SEMA3D: variants seen among roughly 807,000 people sequenced by gnomAD.
SEMA3D encodes semaphorin 3D.
In SEMA3D, 84 loss-of-function variants were observed where a neutral mutation model predicts 100.1. That is an observed-to-expected ratio of 0.84 (90% CI 0.70 to 1.01). The LOEUF is 1.01. Ranked by LOEUF, SEMA3D falls within the 50% of genes least tolerant of loss-of-function variation. The pLI is 0.00. For missense variants in SEMA3D, 875 were observed against 934.1 expected, an observed-to-expected ratio of 0.94 and a Z score of 0.82; for synonymous variants, 312 against 320.7, an observed-to-expected ratio of 0.97 and a Z score of 0.29.
At chr7:85,082,866 C>T (rs1788105039) in intron 4 of SEMA3D, among the ~76,000 whole-genome samples, 1 of 152,098 alleles carries the variant, frequency 6.6e-6, no homozygotes, top group Non-Finnish European at 1.5e-5. Context: ...TGTATATAGG[C>T]AGGTGGTGGA....
intron 12 of SEMA3D, among the ~76,000 whole-genome samples, chr7:85,033,483 C>T (rs1184328778): frequency 6.6e-6 from 1 of 152,072 alleles, no homozygotes; most frequent in East Asian, 1.9e-4. Context: ...TTAACTTACA[C>T]TCGAGTTGGA....
At chr7:85,026,891 C>A (rs896748552) in intron 12 of SEMA3D, among the ~76,000 whole-genome samples, 1 of 151,992 alleles carries the variant, frequency 6.6e-6, no homozygotes, top group African/African-American at 2.4e-5. Context: ...CTTGTGGAAT[C>A]CATGGTTACC....
chr7:85,085,500 A>C (rs1478873173), intron 4 of SEMA3D, among the ~76,000 whole-genome samples: 1 of 152,186 alleles, frequency 6.6e-6, no homozygotes, highest in Non-Finnish European at 1.5e-5. Context: ...AAAAGTTTCA[A>C]AGTTAGCACC....
At chr7:85,223,695 A>C in the SEMA3D span, among the ~76,000 whole-genome samples, 5 of 152,208 alleles carry the variant, frequency 3.3e-5, no homozygotes, top group Admixed American at 2.6e-4. Context: ...GTCCTCACTT[A>C]TCAGTGGGAA....
intron 9 of SEMA3D, among the ~76,000 whole-genome samples, chr7:85,049,135 T>C (rs1301788029): frequency 6.6e-6 from 1 of 151,168 alleles, no homozygotes; most frequent in South Asian, 2.1e-4. Context: ...AATAAAAATA[T>C]ACAAACTCAA....
intron 15 of SEMA3D, among the ~76,000 whole-genome samples, chr7:85,015,797 T>A (rs762687891): frequency 1.3e-5 from 2 of 151,842 alleles, no homozygotes; most frequent in Non-Finnish European, 2.9e-5. Context: ...TGCATGATAC[T>A]GAAAAACCCA....
the SEMA3D span, among the ~76,000 whole-genome samples, chr7:85,236,344 G>A: frequency 4.6e-5 from 7 of 150,582 alleles, no homozygotes; most frequent in African/African-American, 1.7e-4. Flanking sequence ...GTCTTGCTCT[G>A]TTGCCCAGGC....
At chr7:85,143,362 A>C (rs554326853) in intron 2 of SEMA3D, 3 of 258,428 alleles carry the variant, frequency 1.2e-5, no homozygotes, top group African/African-American at 6.9e-5. Context: ...AGGTGATTTC[A>C]TCATTGTTCG....
At chr7:85,008,523 A>C (rs1017045558) in intron 17 of SEMA3D, among the ~76,000 whole-genome samples, 2 of 151,834 alleles carry the variant, frequency 1.3e-5, no homozygotes, top group African/African-American at 4.8e-5. Context: ...TATTATATAC[A>C]CATACACACA....
chr7:85,095,394 AT>A (rs3214235), intron 4 of SEMA3D, among the ~76,000 whole-genome samples: 25 of 150,292 alleles, frequency 1.7e-4, no homozygotes, highest in African/African-American at 3.4e-4. Context: ...TTTTCTACAG[AT>A]TTTTTTTTTA....
At chr7:85,057,422 T>G (rs1791352623) in intron 8 of SEMA3D, among the ~76,000 whole-genome samples, 1 of 152,114 alleles carries the variant, frequency 6.6e-6, no homozygotes. Flanking sequence ...GCACTGACTT[T>G]TTAAGAAGCA....
chr7:85,030,087 C>G (rs1021505305), intron 12 of SEMA3D, among the ~76,000 whole-genome samples: 7 of 152,050 alleles, frequency 4.6e-5, no homozygotes, highest in African/African-American at 1.4e-4. Flanking sequence ...TCTAGGTACT[C>G]TACCCAGGAT....
At chr7:85,231,499 G>A in the SEMA3D span, among the ~76,000 whole-genome samples, 1 of 96,276 alleles carries the variant, frequency 1.0e-5, no homozygotes, top group East Asian at 1.6e-3. Context: ...CCAGGCTGGA[G>A]TGCAGTAGTG....
intron 5 of SEMA3D, 66 bp downstream of exon 5, chr7:85,081,451 A>G (rs1228724173): frequency 5.9e-6 from 6 of 1,015,732 alleles, no homozygotes; most frequent in Non-Finnish European, 1.6e-6. Context: ...GTAAAGCCCA[A>G]TATAAATATT....
chr7:85,214,975 T>G, the SEMA3D span, among the ~76,000 whole-genome samples: 5 of 152,280 alleles, frequency 3.3e-5, 1 homozygote, highest in African/African-American at 1.2e-4. Context: ...GGAAAAATAT[T>G]GTTTCCCTAT....
At chr7:85,191,435 T>C (rs1791692746), upstream of SEMA3D, among the ~76,000 whole-genome samples, 1 of 152,200 alleles carries the variant, frequency 6.6e-6, no homozygotes, top group Non-Finnish European at 1.5e-5. Context: ...ACTTTCATAC[T>C]ACCACCATTC....
At chr7:85,129,978 A>AT (rs1249724395) in intron 2 of SEMA3D, among the ~76,000 whole-genome samples, 3 of 152,054 alleles carry the variant, frequency 2.0e-5, no homozygotes, top group African/African-American at 4.8e-5. Context: ...GCCTAATTTT[A>AT]TTTTTTTAAA....
chr7:85,227,100 T>A, the SEMA3D span, among the ~76,000 whole-genome samples: 299 of 152,340 alleles, frequency 2.0e-3, 1 homozygote, highest in Admixed American at 4.1e-3. Flanking sequence ...GTCCTTTGTA[T>A]TTATATTTTT....
rs58175263 is a variant in SEMA3D at position 85,117,046 on chromosome 7, G to T, written c.151+4695C>A. 1.2e-3 allele frequency among the ~76,000 whole-genome samples: 190 copies of T among 152,190 alleles called. 3 individuals are homozygous for T. The East Asian group carries it at 0.021, about 16-fold the overall frequency. ...TGCTCTCCTTTTAAAATTGAGTAAG[G>T]CTTTCTCATGTTGCAACCAATAGAA... On this transcript the variant is annotated intron_variant, in intron 3 of 18. Coordinates refer to ENST00000284136, the MANE Select transcript of SEMA3D (RefSeq NM_001384900.1).
Sources: gnomAD v4.1 joint callset for allele counts (sites outside exome capture counted in the v4.1 genomes callset) on GRCh38, gnomAD v4.1.1 for gene constraint, MANE v1.5 for transcripts, NCBI Gene and HGNC (gene_info 2026-07-23, HGNC 2026-07-21) for gene names.